Variants in DOCK6 observed in about 807,000 individuals in gnomAD.
The protein encoded by DOCK6 is dedicator of cytokinesis 6.
In DOCK6, 167 loss-of-function variants were observed where a neutral mutation model predicts 230.3. The ratio of observed to expected loss-of-function variants is 0.73; its 90% CI spans 0.64 to 0.82. The LOEUF (loss-of-function observed/expected upper bound fraction) is 0.82. DOCK6 is among the 40% of genes least tolerant of loss of function. The pLI, the probability that DOCK6 is intolerant of heterozygous loss-of-function variation, is 0.00. For missense variants in DOCK6, 2,598 were observed against 2,825.8 expected (o/e 0.92, Z 1.83); for synonymous variants, 1,148 against 1,185.0 (o/e 0.97, Z 0.64).
At position 11,251,048 on chromosome 19, in the gene DOCK6, G is replaced by A. The variant is rs1408531703; in HGVS notation, c.546C>T (p.Thr182=). The change falls in exon 6 of 48, where the codon ACC becomes ACT. Residue 182 remains threonine, a synonymous_variant. Coordinates refer to ENST00000294618, the MANE Select transcript of DOCK6 (RefSeq NM_020812.4). ...TGCTAGAGGCACCACTGCTTCGAGG[G>A]GTGTCTTCCGGGGAGCCCGAGCCAC... ...SRRGSGSPED[T]PRSSGASSIF... is the part of the protein sequence containing the mutation. 6.2e-7 allele frequency: 1 copy of A among 1,613,136 alleles called. No homozygotes were observed. Among genetic ancestry groups the A allele is most frequent in the East Asian group, 2.2e-5 (1 of 44,854 alleles).
At position 11,222,916 on chromosome 19, in the gene DOCK6, G is replaced by C. The variant is rs772931275; in HGVS notation, c.3070-11C>G. On this transcript the variant is annotated splice_polypyrimidine_tract_variant and intron_variant, in intron 25 of 47. Coordinates refer to ENST00000294618, the MANE Select transcript of DOCK6 (RefSeq NM_020812.4). The surrounding 1 kb of genome is among the most constrained non-coding windows in gnomAD (Gnocchi z 4.0). ...GAGCCGCGTGGCCACCTGCAGGAGA[G>C]GGGTGGCCATCAGTGATGTCAACAT... The C allele has an allele frequency of 6.2e-7, 1 of 1,611,344 alleles. No individual in the cohort carries two copies. Among genetic ancestry groups the C allele is most frequent in the African/African-American group, 1.3e-5 (1 of 74,954 alleles).
Position 11,202,170 on chromosome 19 carries a change from A to G in DOCK6, c.5452-45T>C, listed in dbSNP as rs1338119069. 1 of 1,587,822 alleles carries G rather than the reference A, an allele frequency of 6.3e-7. No individual in the cohort carries two copies. On this transcript the variant is annotated intron_variant, in intron 43 of 47. Transcript: ENST00000294618. This position sits in a 1 kb window ranked among gnomAD's most constrained non-coding sequence, Gnocchi z 5.3. ...TGAGGATCCCACAGCCCCAGCACGC[A>G]CAGCCCAAGCCCTGTTCCTGGAGAG...
In DOCK6 at chr19:11,221,789, C is replaced by T; in HGVS notation, c.3550+62G>A. On this transcript the variant is annotated intron_variant, in intron 28 of 47. Transcript: ENST00000294618. The stretch of plus-strand genomic sequence containing the variant: ...GACTGTGTTCTCCCACCTTTACTAT[C>T]CTGTGCCTTCTGTGACCAAGTCCCT... The T allele has an allele frequency of 1.9e-6, 3 of 1,611,228 alleles. No individual in the cohort carries two copies. In the South Asian group the frequency reaches 3.3e-5, roughly 18 times the overall value.
At chr19:11,225,227 C>CA (rs967067762) in intron 24 of DOCK6, among the ~76,000 whole-genome samples, 30 of 148,318 alleles carry the variant, frequency 2.0e-4, no homozygotes, top group African/African-American at 3.4e-4. Flanking sequence ...GACTCCATCT[C>CA]AAAAAAAAAA....
At chr19:11,219,493 A>G (rs1386275738) in intron 28 of DOCK6, among the ~76,000 whole-genome samples, 1 of 151,762 alleles carries the variant, frequency 6.6e-6, no homozygotes, top group African/African-American at 2.4e-5. Flanking sequence ...CGGCTTAAAA[A>G]AATCACTGTT....
intron 40 of DOCK6, 34 bp downstream of exon 40, chr19:11,204,166 A>C: frequency 8.3e-7 from 1 of 1,211,010 alleles, no homozygotes; most frequent in Non-Finnish European, 1.1e-6. Flanking sequence ...AGTGGGGCTG[A>C]GGGTGGGGTC....
chr19:11,258,234 C>T (rs1234325388), intron 1 of DOCK6, among the ~76,000 whole-genome samples: 1 of 152,090 alleles, frequency 6.6e-6, no homozygotes, highest in Non-Finnish European at 1.5e-5. Flanking sequence ...CAAAGTTGGG[C>T]ACATGGATGC....
In DOCK6 at chr19:11,208,962, G is replaced by A. The variant is rs745449252; in HGVS notation, c.4893C>T (p.Leu1631=). The part of the protein sequence containing the change: ...VHAAALVAEY[L]ALLEDHRHLP... ...GGTGGCGGTGGTCCTCGAGCAGGGC[G>A]AGGTACTCAGCCACGAGGGCGGCCG... The change falls in exon 38 of 48, where the codon CTC becomes CTT. Residue 1631 remains leucine, a synonymous_variant. Coordinates refer to ENST00000294618, the MANE Select transcript of DOCK6 (RefSeq NM_020812.4). The A allele has an allele frequency of 1.1e-5, 17 of 1,605,500 alleles. No homozygotes were observed. Among genetic ancestry groups the A allele is most frequent in the African/African-American group, 1.3e-5 (1 of 74,810 alleles).
Position 11,235,636 on chromosome 19 carries a change from G to C in DOCK6, c.2516C>G (p.Ala839Gly). ...CPQLAAYVHY[A>G]FRLPGTEPSL... is the part of the protein sequence containing the mutation. ...GGGCTCAGTGCCAGGAAGGCGAAAG[G>C]CGTAGTGGACGTAGGCAGCCAGCTG... Residue 839 changes from alanine to glycine, a missense_variant, in exon 21 of 48, where the codon GCC (alanine) becomes GGC (glycine). Ala to Gly is a moderately conservative substitution (Grantham distance 60, BLOSUM62 0). Transcript: ENST00000294618. 1.9e-6 allele frequency: 3 copies of C among 1,604,382 alleles called. No homozygotes were observed. Among genetic ancestry groups the C allele is most frequent in the Non-Finnish European group, 2.6e-6 (3 of 1,175,654 alleles).
chr19:11,216,813 CAA>C (rs2079495403), intron 30 of DOCK6, 99 bp downstream of exon 30: 2 of 1,236,008 alleles, frequency 1.6e-6, no homozygotes, highest in East Asian at 2.3e-5. Context: ...GTCCTCTGCA[CAA>C]AGACAGTCCA....
At chr19:11,247,683 C>T (rs759479061) in intron 7 of DOCK6, 19 of 173,084 alleles carry the variant, frequency 1.1e-4, no homozygotes, top group Non-Finnish European at 1.6e-4. Context: ...CAAAGCCTCC[C>T]GGCCAAACCC....
In DOCK6 at chr19:11,204,115, C is replaced by A. The variant is rs1455140447; in HGVS notation, c.5221-20G>T. On this transcript the variant is annotated intron_variant, in intron 40 of 47. Coordinates refer to ENST00000294618, the MANE Select transcript of DOCK6 (RefSeq NM_020812.4). ...GGAACTCTGTGGGGAAGAGAAGGGT[C>A]AAGGTCAGCAGATCCCTGGGGATGA... is the stretch of plus-strand genomic sequence containing the variant. The A allele has an allele frequency of 2.8e-6, 4 of 1,446,088 alleles. No homozygotes were observed. Among genetic ancestry groups the A allele is most frequent in the Non-Finnish European group, 3.7e-6 (4 of 1,082,044 alleles). The allele number at this position is 1,446,088 out of a possible 1,614,324, so 89.6% of individuals were successfully genotyped here.
chr19:11,242,952 T>A, intron 13 of DOCK6, 107 bp downstream of exon 13: 1 of 1,276,492 alleles, frequency 7.8e-7, no homozygotes, highest in Non-Finnish European at 1.1e-6. Context: ...TCCATCATGG[T>A]CATCGTTGGG....
Position 11,202,076 on chromosome 19 carries a change from A to T in DOCK6, c.5501T>A (p.Leu1834His), listed in dbSNP as rs1432263130. The T allele has an allele frequency of 1.9e-6, 3 of 1,613,848 alleles. No homozygotes were observed. The African/African-American group carries it at 4.0e-5, about 22-fold the overall frequency. ...YVEPYFDTYE[L>H]KDRVTYFDRN... The stretch of plus-strand genomic sequence containing the variant: ...GTCAAAGTAGGTCACCCGGTCCTTG[A>T]GCTCGTAGGTATCAAAGTACGGTTC... The change falls in exon 44 of 48, where the codon CTC becomes CAC. Residue 1834 changes from leucine (L) to histidine (H), a missense_variant. By Grantham distance (99) the Leu-to-His change is moderately conservative. Coordinates refer to ENST00000294618, the MANE Select transcript of DOCK6 (RefSeq NM_020812.4). The surrounding 1 kb of genome is among the most constrained non-coding windows in gnomAD (Gnocchi z 5.3).
chr19:11,199,635 C>T (rs969038557), intron 47 of DOCK6, 96 bp from the exon 48 acceptor site: 1 of 1,322,096 alleles, frequency 7.6e-7, no homozygotes, highest in Non-Finnish European at 1.1e-6. Flanking sequence ...CCTCGTCTTC[C>T]TCCAAGGATC....
chr19:11,221,662 T>C (rs772396985), intron 28 of DOCK6, 189 bp downstream of exon 28: 1 of 754,224 alleles, frequency 1.3e-6, no homozygotes, highest in Non-Finnish European at 2.1e-6. Context: ...ACTGTCTCCA[T>C]TACAGGGGAG....
intron 21 of DOCK6, among the ~76,000 whole-genome samples, chr19:11,234,532 A>T (rs1251938743): frequency 4.0e-5 from 6 of 151,306 alleles, no homozygotes; most frequent in Non-Finnish European, 1.5e-5. Context: ...ATCCAACTCT[A>T]TTGAGGGTTC....
intron 30 of DOCK6, 131 bp downstream of exon 30, chr19:11,216,783 T>G: frequency 1.1e-6 from 1 of 919,198 alleles, no homozygotes; most frequent in South Asian, 1.5e-5. Flanking sequence ...AGTCCACCCC[T>G]TTCCTCTCAG....
intron 24 of DOCK6, among the ~76,000 whole-genome samples, chr19:11,224,531 C>T (rs1230577746): frequency 6.6e-6 from 1 of 152,114 alleles, no homozygotes; most frequent in Admixed American, 6.5e-5. Flanking sequence ...TGTCACCAAC[C>T]TTAACAGACG....
Sources: allele counts gnomAD v4.1 joint callset (sites outside exome capture counted in the v4.1 genomes callset), GRCh38; gene constraint gnomAD v4.1.1; non-coding constraint Gnocchi (gnomAD v3.1); transcripts MANE v1.5; gene names NCBI Gene and HGNC (gene_info 2026-07-23, HGNC 2026-07-21).